GABRB1: variants seen among roughly 807,000 people sequenced by gnomAD.
The protein encoded by GABRB1 is gamma-aminobutyric acid receptor subunit beta-1.
GABRB1 carries 17 observed loss-of-function variants against 51.6 expected under a neutral mutation model. The observed-to-expected ratio is 0.33, with a 90% CI of 0.23 to 0.49. The LOEUF (loss-of-function observed/expected upper bound fraction) is 0.49. GABRB1 is among the 20% of genes least tolerant of loss of function. The pLI, the probability that GABRB1 is intolerant of heterozygous loss-of-function variation, is 0.99. For missense variants in GABRB1, 410 were observed against 600.6 expected, an observed-to-expected ratio of 0.68 and a Z score of 3.32; for synonymous variants, 247 against 218.9, an observed-to-expected ratio of 1.13 and a Z score of -1.14.
intron 3 of GABRB1, among the ~76,000 whole-genome samples, chr4:47,110,300 G>T (rs1715162572): frequency 6.6e-6 from 1 of 151,816 alleles, no homozygotes; most frequent in Non-Finnish European, 1.5e-5. Flanking sequence ...CAAATCTCAA[G>T]AGGCACTGTT....
intron 4 of GABRB1, among the ~76,000 whole-genome samples, chr4:47,300,271 G>C (rs1038307879): frequency 1.3e-5 from 2 of 151,734 alleles, no homozygotes; most frequent in African/African-American, 4.8e-5. Flanking sequence ...AATTAAAAAA[G>C]TGTTAATAGT....
At chr4:47,409,267 A>G (rs1484785046) in intron 8 of GABRB1, among the ~76,000 whole-genome samples, 2 of 152,120 alleles carry the variant, frequency 1.3e-5, no homozygotes, top group Non-Finnish European at 2.9e-5. Flanking sequence ...CCTTTTTGGT[A>G]CCCAGGTTCT....
At chr4:47,324,662 C>T (rs1474459990) in intron 5 of GABRB1, among the ~76,000 whole-genome samples, 8 of 152,230 alleles carry the variant, frequency 5.3e-5, no homozygotes, top group Non-Finnish European at 8.8e-5. Flanking sequence ...CAATCTTATG[C>T]TGTGGCTCTC....
intron 3 of GABRB1, among the ~76,000 whole-genome samples, chr4:47,087,238 A>G (rs1728114902): frequency 6.6e-6 from 1 of 152,102 alleles, no homozygotes; most frequent in Non-Finnish European, 1.5e-5. Flanking sequence ...AGGCTCAGCT[A>G]GGACTCCAGG....
intron 1 of GABRB1, among the ~76,000 whole-genome samples, chr4:46,997,760 A>T: frequency 6.6e-6 from 1 of 152,166 alleles, no homozygotes; most frequent in African/African-American, 2.4e-5. Context: ...ATACACACAC[A>T]TATATATGCA....
chr4:47,343,528 G>A (rs748013159), intron 5 of GABRB1, among the ~76,000 whole-genome samples: 1 of 152,140 alleles, frequency 6.6e-6, no homozygotes, highest in Non-Finnish European at 1.5e-5. Flanking sequence ...TTCCAAATTT[G>A]TTGAATGCTG....
chr4:47,329,256 G>A (rs889417978), intron 5 of GABRB1, among the ~76,000 whole-genome samples: 1 of 152,004 alleles, frequency 6.6e-6, no homozygotes, highest in African/African-American at 2.4e-5. Flanking sequence ...ATGTTTTAAC[G>A]TGCTATCATA....
At chr4:47,071,629 A>G (rs1243174965) in intron 3 of GABRB1, among the ~76,000 whole-genome samples, 3 of 150,172 alleles carry the variant, frequency 2.0e-5, no homozygotes, top group Non-Finnish European at 1.5e-5. Flanking sequence ...ATATATCCAC[A>G]TGTACTTATT....
intron 4 of GABRB1, among the ~76,000 whole-genome samples, chr4:47,286,521 G>T (rs536395267): frequency 9.2e-5 from 14 of 151,968 alleles, no homozygotes; most frequent in South Asian, 4.1e-4. Context: ...CTGTGCTCCT[G>T]CTACGCCAGA....
chr4:47,229,536 G>T (rs868268982), intron 4 of GABRB1, among the ~76,000 whole-genome samples: 24 of 152,150 alleles, frequency 1.6e-4, no homozygotes, highest in African/African-American at 5.5e-4. Flanking sequence ...TTCCCTTTAA[G>T]ATATAGTCAC....
intron 3 of GABRB1, among the ~76,000 whole-genome samples, chr4:47,075,393 G>A (rs1727502583): frequency 6.6e-6 from 1 of 152,164 alleles, no homozygotes; most frequent in Non-Finnish European, 1.5e-5. Flanking sequence ...AACCTGCAGT[G>A]CAAGCAGGGC....
chr4:47,302,206 A>G (rs1446477277), intron 4 of GABRB1, among the ~76,000 whole-genome samples: 3 of 152,162 alleles, frequency 2.0e-5, no homozygotes, highest in African/African-American at 7.2e-5. Flanking sequence ...ATTTAAAAAG[A>G]TAATATATGT....
intron 4 of GABRB1, among the ~76,000 whole-genome samples, chr4:47,176,404 A>T (rs941560114): frequency 6.6e-6 from 1 of 152,140 alleles, no homozygotes; most frequent in Non-Finnish European, 1.5e-5. Context: ...TGTGAAAAAA[A>T]TAGAGTAGTC....
intron 3 of GABRB1, among the ~76,000 whole-genome samples, chr4:47,130,325 CTGTGTGTGTG>C (rs67244692): frequency 0.19 from 24,831 of 133,456 alleles, 2,362 homozygotes; most frequent in African/African-American, 0.25. Flanking sequence ...GCTCCAGATA[CTGTGTGTGTG>C]TGTGTGTGTG....
chr4:47,331,602 A>G (rs772338927), intron 5 of GABRB1, among the ~76,000 whole-genome samples: 50 of 152,132 alleles, frequency 3.3e-4, no homozygotes, highest in Non-Finnish European at 6.0e-4. Context: ...GTGTAAAATA[A>G]AGCTCATTTT....
rs530731400 is a variant in GABRB1 at position 47,232,315 on chromosome 4, T to C, written c.461+70846T>C. On this transcript the variant is annotated intron_variant, in intron 4 of 8. Transcript: ENST00000295454. ...ATTTTAATTCTTACCCTACTAAACA[T>C]ATTTAAGATACTTACATATTTATGT... Among the ~76,000 whole-genome samples the C allele has an allele frequency of 1.8e-4, 28 of 152,320 alleles. No homozygotes were observed. In the South Asian group the frequency reaches 5.6e-3, roughly 30 times the overall value.
chr4:47,319,913 G>A (rs771560362), intron 4 of GABRB1, among the ~76,000 whole-genome samples: 10 of 152,218 alleles, frequency 6.6e-5, no homozygotes, highest in Non-Finnish European at 1.3e-4. Flanking sequence ...GTTTGGGTAG[G>A]TTGTATGTTT....
intron 4 of GABRB1, among the ~76,000 whole-genome samples, chr4:47,284,944 A>G (rs956323812): frequency 2.6e-5 from 4 of 152,240 alleles, no homozygotes; most frequent in African/African-American, 9.6e-5. Flanking sequence ...AACACATTAG[A>G]GTGAACAACA....
Position 47,426,072 on chromosome 4 carries a change from C to T in GABRB1, c.*54C>T. 5 of 1,384,218 alleles carry T rather than the reference C, an allele frequency of 3.6e-6. No homozygotes were observed. The highest frequency in any genetic ancestry group is 2.8e-5 in the South Asian group (2 of 70,868). The allele number at this position is 1,384,218 out of a possible 1,614,324, so 85.7% of individuals were successfully genotyped here. On this transcript the variant is annotated 3_prime_UTR_variant, in exon 9 of 9. Transcript: ENST00000295454. ...ACTTTCCTCTTCTATTGTTTTTTAA[C>T]CTTACAGGTCCCCAACAGCGATACT... is the stretch of plus-strand genomic sequence containing the variant.
Sources: gnomAD v4.1 joint callset for allele counts (sites outside exome capture counted in the v4.1 genomes callset) on GRCh38, gnomAD v4.1.1 for gene constraint, MANE v1.5 for transcripts, NCBI Gene and HGNC (gene_info 2026-07-23, HGNC 2026-07-21) for gene names.